Variants in AKIP1 observed in about 807,000 individuals in gnomAD.
The protein encoded by AKIP1 is A-kinase interacting protein 1.
In AKIP1, 18 loss-of-function variants were observed where a neutral mutation model predicts 22.3. The observed-to-expected ratio is 0.81, with a 90% CI of 0.56 to 1.19. The LOEUF (loss-of-function observed/expected upper bound fraction) is 1.19, where lower values mean the gene tolerates loss of function less well. Ranked by LOEUF, AKIP1 falls within the 50% of genes most tolerant of loss-of-function variation. The pLI is 0.00. For synonymous variants in AKIP1, 120 were observed against 102.7 expected, an observed-to-expected ratio of 1.17 and a Z score of -1.02; for missense variants, 287 against 264.6, an observed-to-expected ratio of 1.08 and a Z score of -0.59.
chr11:8,918,522 A>G (rs1291160932), intron 5 of AKIP1, among the ~76,000 whole-genome samples: 1 of 152,138 alleles, frequency 6.6e-6, no homozygotes, highest in Non-Finnish European at 1.5e-5. Context: ...ACTTCTGCCT[A>G]TGGCCCCTTC....
In AKIP1 at chr11:8,917,300, A is replaced by G. The variant is rs775910473; in HGVS notation, c.422A>G (p.Lys141Arg). The G allele has an allele frequency of 3.7e-6, 6 of 1,608,168 alleles. No individual in the cohort carries two copies. The South Asian group carries it at 6.6e-5, about 18-fold the overall frequency. ...TTGTCTCTTCAGAGAAAAGACAGAA[A>G]AAAGACATCCCTTGGTCCTGGAGGC... ...DIGNGQRKDR[K>R]KTSLGPGGSY... is the part of the protein sequence containing the mutation. Residue 141 changes from lysine to arginine, a missense_variant, in exon 5 of 6, where the codon AAA becomes AGA. Physicochemically the swap from Lys to Arg is conservative, Grantham distance 26. Coordinates refer to ENST00000309377, the MANE Select transcript of AKIP1 (RefSeq NM_020642.4).
In AKIP1 at chr11:8,911,639, G is replaced by A. The variant is rs371527235; in HGVS notation, c.190G>A (p.Ala64Thr). 2.5e-5 allele frequency: 39 copies of A among 1,581,532 alleles called. No individual in the cohort carries two copies. Among genetic ancestry groups the A allele is most frequent in the Admixed American group, 2.4e-4 (13 of 54,552 alleles). Residue 64 changes from alanine (A) to threonine (T), a missense_variant, in exon 2 of 6, where the codon GCA becomes ACA. By Grantham distance (58) the Ala-to-Thr change is moderately conservative (BLOSUM62 0). Transcript: ENST00000309377. ...REAPHLEKQP[A>T]AGPQRVLPGE... is the part of the protein sequence containing the mutation. ...GGCGCCCCACCTAGAGAAACAGCCGGCAGCCGGCCCGCAGCGCGTTCTCCC... is the reference window on the plus strand; with the variant it reads ...GGCGCCCCACCTAGAGAAACAGCCGACAGCCGGCCCGCAGCGCGTTCTCCC...
intron 4 of AKIP1, among the ~76,000 whole-genome samples, chr11:8,915,251 G>T (rs1410578968): frequency 6.6e-6 from 1 of 151,488 alleles, no homozygotes; most frequent in Non-Finnish European, 1.5e-5. Flanking sequence ...TCGCCCCTGT[G>T]ACTATCCCCT....
In AKIP1 at chr11:8,919,616, C is replaced by A; in HGVS notation, c.*136C>A. On this transcript the variant is annotated 3_prime_UTR_variant, in exon 6 of 6. Transcript: ENST00000309377. ...CAGCCTTCCGGGAACTGGAGTCTGTCTCTTTCAGTGCTTTTTTGTTTGTTT... is the reference window on the plus strand; with the variant it reads ...CAGCCTTCCGGGAACTGGAGTCTGTATCTTTCAGTGCTTTTTTGTTTGTTT... 1 of 948,064 alleles carries A rather than the reference C, an allele frequency of 1.1e-6. No individual in the cohort carries two copies. Among genetic ancestry groups the A allele is most frequent in the South Asian group, 1.7e-5 (1 of 59,188 alleles). The allele number at this position is 948,064 out of a possible 1,614,324, so 58.7% of individuals were successfully genotyped here.
At chr11:8,918,551 G>T (rs1278229981) in intron 5 of AKIP1, among the ~76,000 whole-genome samples, 1 of 152,190 alleles carries the variant, frequency 6.6e-6, no homozygotes, top group Non-Finnish European at 1.5e-5. Flanking sequence ...AAGCAAGCTT[G>T]TAATGGCATC....
intron 4 of AKIP1, among the ~76,000 whole-genome samples, chr11:8,916,010 C>T (rs1282415258): frequency 5.3e-5 from 8 of 151,510 alleles, no homozygotes; most frequent in South Asian, 2.1e-4. Flanking sequence ...TTAGTGGAGA[C>T]GGGGTTTCGC....
chr11:8,911,655 G>T lies in AKIP1; in HGVS notation c.206G>T (p.Arg69Leu), dbSNP rs753653386. ...AAACAGCCGGCAGCCGGCCCGCAGC[G>T]CGTTCTCCCGGGAGAGGTGAGGGTC... ...LEKQPAAGPQRVLPGEREERP... is the reference protein window; with the variant it reads ...LEKQPAAGPQLVLPGEREERP... The change falls in exon 2 of 6, where the codon CGC becomes CTC. Residue 69 changes from arginine (R) to leucine (L), a missense_variant. Arg to Leu is a moderately radical substitution (Grantham distance 102, BLOSUM62 -2). Transcript: ENST00000309377. The T allele has an allele frequency of 6.4e-7, 1 of 1,564,078 alleles. No individual in the cohort carries two copies. The highest frequency in any genetic ancestry group is 2.3e-5 in the East Asian group (1 of 44,008).
At chr11:8,911,327 C>A (rs370192864) in intron 1 of AKIP1, 104 bp downstream of exon 1, 4 of 888,894 alleles carry the variant, frequency 4.5e-6, no homozygotes, top group South Asian at 3.4e-5. Flanking sequence ...GCGTTGGGGG[C>A]GGACCAGGAG....
Position 8,919,385 on chromosome 11 carries a change from T to C in AKIP1, c.538T>C (p.Tyr180His), listed in dbSNP as rs1406168392. 2 of 1,613,888 alleles carry C rather than the reference T, an allele frequency of 1.2e-6. No homozygotes were observed. The highest frequency in any genetic ancestry group is 1.7e-6 in the Non-Finnish European group (2 of 1,179,736). The change falls in exon 6 of 6, where the codon TAT (tyrosine) becomes CAT (histidine). Residue 180 changes from tyrosine (Y) to histidine (H), a missense_variant. Coordinates refer to ENST00000309377, the MANE Select transcript of AKIP1 (RefSeq NM_020642.4). The part of the protein sequence containing the change: ...DLYIEVYPGT[Y>H]SVTVGSNDLT... ...CTACATAGAAGTATATCCAGGGACC[T>C]ATTCTGTCACTGTGGGCTCAAATGA...
Position 8,919,734 on chromosome 11 carries a change from T to C in AKIP1, c.*254T>C, listed in dbSNP as rs1303641626. On this transcript the variant is annotated 3_prime_UTR_variant, in exon 6 of 6. Coordinates refer to ENST00000309377, the MANE Select transcript of AKIP1 (RefSeq NM_020642.4). The stretch of plus-strand genomic sequence containing the variant: ...TCACTGCAAGTTCCGCCTCCCGGGT[T>C]CACACCATTCTCCTGCCTCAGCCTC... 3.1e-6 allele frequency: 1 copy of C among 324,162 alleles called. No homozygotes were observed. Among genetic ancestry groups the C allele is most frequent in the Non-Finnish European group, 5.7e-6 (1 of 175,528 alleles). The allele number at this position is 324,162 out of a possible 1,614,324, so 20.1% of individuals were successfully genotyped here. A position where few individuals can be genotyped will look rare whatever the true frequency, so the allele number is the denominator to read the frequency against.
At position 8,911,483 on chromosome 11, in the gene AKIP1, G is replaced by A; in HGVS notation, c.34G>A (p.Gly12Arg). 1.9e-6 allele frequency: 3 copies of A among 1,605,812 alleles called. No homozygotes were observed. ...DNCLAAAALNGVDRRSLQRSA... is the reference protein window; with the variant it reads ...DNCLAAAALNRVDRRSLQRSA... ...CTGTTTGGCGGCCGCAGCGCTGAATGGGGTGGACCGACGTTCCCTGCAGCG... is the reference window on the plus strand; with the variant it reads ...CTGTTTGGCGGCCGCAGCGCTGAATAGGGTGGACCGACGTTCCCTGCAGCG... The change falls in exon 2 of 6, where the codon GGG (glycine) becomes AGG (arginine). Residue 12 changes from glycine (G) to arginine (R), a missense_variant. Physicochemically the swap from Gly to Arg is moderately radical, Grantham distance 125. Transcript: ENST00000309377.
At chr11:8,915,358 CTTT>C (rs559350653) in intron 4 of AKIP1, among the ~76,000 whole-genome samples, 3 of 83,980 alleles carry the variant, frequency 3.6e-5, no homozygotes, top group Admixed American at 1.6e-4. Flanking sequence ...TTTTTTTTTT[CTTT>C]TTTTTTTTTT....
chr11:8,915,756 C>T (rs1210799925), intron 4 of AKIP1, among the ~76,000 whole-genome samples: 1 of 151,426 alleles, frequency 6.6e-6, no homozygotes, highest in Non-Finnish European at 1.5e-5. Context: ...CTGCCTCAGC[C>T]TCCCAAGTAG....
intron 5 of AKIP1, chr11:8,917,694 C>G (rs1221731874): frequency 1.2e-5 from 5 of 429,098 alleles, no homozygotes; most frequent in African/African-American, 7.8e-5. Flanking sequence ...TCTGTTCAAG[C>G]AGCAGGAGGG....
intron 5 of AKIP1, among the ~76,000 whole-genome samples, chr11:8,918,718 C>A (rs1019849390): frequency 6.6e-6 from 1 of 152,182 alleles, no homozygotes; most frequent in Admixed American, 6.5e-5. Context: ...GTGCTCAGTT[C>A]GGCTCTAAAT....
chr11:8,911,851 G>A (rs2064363371), intron 2 of AKIP1, among the ~76,000 whole-genome samples, 180 bp downstream of exon 2: 1 of 152,008 alleles, frequency 6.6e-6, no homozygotes, highest in African/African-American at 2.4e-5. Context: ...GATTCTTGTT[G>A]GGTAGCTGTA....
At position 8,911,482 on chromosome 11, in the gene AKIP1, T is replaced by G; in HGVS notation, c.33T>G (p.Asn11Lys). The G allele has an allele frequency of 6.2e-7, 1 of 1,605,702 alleles. No individual in the cohort carries two copies. The highest frequency in any genetic ancestry group is 1.1e-5 in the South Asian group (1 of 89,076). The change falls in exon 2 of 6, where the codon AAT becomes AAG. Residue 11 changes from asparagine (N) to lysine (K), a missense_variant. By Grantham distance (94) the Asn-to-Lys change is moderately conservative (BLOSUM62 0). Transcript: ENST00000309377. MDNCLAAAALNGVDRRSLQRS... is the reference protein window; with the variant it reads MDNCLAAAALKGVDRRSLQRS... ...ACTGTTTGGCGGCCGCAGCGCTGAA[T>G]GGGGTGGACCGACGTTCCCTGCAGC... is the stretch of plus-strand genomic sequence containing the variant.
At chr11:8,911,274 G>C (rs574547140) in intron 1 of AKIP1, 51 bp downstream of exon 1, 3 of 608,856 alleles carry the variant, frequency 4.9e-6, no homozygotes, top group African/African-American at 3.7e-5. Flanking sequence ...TGGAAGGGGC[G>C]GGCGCGCTAG....
intron 1 of AKIP1, 69 bp from the exon 2 acceptor site, chr11:8,911,375 C>A: frequency 7.1e-7 from 1 of 1,405,398 alleles, no homozygotes; most frequent in Non-Finnish European, 9.6e-7. Context: ...GGGCTCCCAC[C>A]CGGATTTGGA....
Sources: gnomAD v4.1 joint callset for allele counts (sites outside exome capture counted in the v4.1 genomes callset) on GRCh38, gnomAD v4.1.1 for gene constraint, MANE v1.5 for transcripts, NCBI Gene and HGNC (gene_info 2026-07-23, HGNC 2026-07-21) for gene names.